The following ABCA3 variants were observed in gnomAD, a reference collection of about 807,000 sequenced individuals.
ABCA3 encodes the protein ATP binding cassette subfamily A member 3.
In ABCA3, 88 loss-of-function variants were observed where a neutral mutation model predicts 172.8. The ratio of observed to expected loss-of-function variants is 0.51; its 90% confidence interval spans 0.43 to 0.61. ABCA3 has a LOEUF of 0.61. ABCA3 is among the 20% of genes least tolerant of loss of function. The pLI, the probability that ABCA3 is intolerant of heterozygous loss-of-function variation, is 0.00. For synonymous variants in ABCA3, 1,066 were observed against 983.8 expected (o/e 1.08, Z -1.56); for missense variants, 2,164 against 2,301.0 (o/e 0.94, Z 1.22).
In ABCA3 at chr16:2,283,467, T is replaced by C; in HGVS notation, c.3863-109A>G. 7.7e-7 allele frequency: 1 copy of C among 1,300,268 alleles called. No individual in the cohort carries two copies. Among genetic ancestry groups the C allele is most frequent in the Non-Finnish European group, 1.1e-6 (1 of 941,716 alleles). The allele number at this position is 1,300,268 out of a possible 1,614,324, so 80.5% of individuals were successfully genotyped here. A position where few individuals can be genotyped will look rare whatever the true frequency, so the allele number is the denominator to read the frequency against. ...AGGCTGCTCAAGGCGCCTGTAACAA[T>C]GTCCCCTCCATGGGGAGATGTGAAG... On this transcript the variant is annotated intron_variant, in intron 25 of 32. Coordinates refer to ENST00000301732, the MANE Select transcript of ABCA3 (RefSeq NM_001089.3). This position sits in a 1 kb window ranked among gnomAD's most constrained non-coding sequence, Gnocchi z 5.4.
chr16:2,315,903 A>T (rs1299916163), intron 10 of ABCA3, among the ~76,000 whole-genome samples: 1 of 125,580 alleles, frequency 8.0e-6, no homozygotes, highest in Non-Finnish European at 1.6e-5. Context: ...GGCTGGTCTT[A>T]AACTCCTGGG....
At chr16:2,316,012 C>T (rs1217844077) in intron 10 of ABCA3, among the ~76,000 whole-genome samples, 1 of 150,250 alleles carries the variant, frequency 6.7e-6, no homozygotes. Flanking sequence ...ATAAAACAAA[C>T]TAGACAACAA....
At chr16:2,307,122 C>T (rs1323589951) in intron 11 of ABCA3, among the ~76,000 whole-genome samples, 2 of 150,330 alleles carry the variant, frequency 1.3e-5, no homozygotes, top group Non-Finnish European at 3.0e-5. Context: ...TCTCAAAAAA[C>T]AAAAAAGAAA....
rs1405436219 is a variant in ABCA3 at position 2,284,605 on chromosome 16, G to A, written c.3704-168C>T. On this transcript the variant is annotated intron_variant, in intron 24 of 32. Transcript: ENST00000301732. This position sits in a 1 kb window ranked among gnomAD's most constrained non-coding sequence, Gnocchi z 5.9. ...TGCACAGGGCAAGGACGCCGCAGACGCCTGCCCACCAGTCATGGCTAGCCG... is the reference window on the plus strand; with the variant it reads ...TGCACAGGGCAAGGACGCCGCAGACACCTGCCCACCAGTCATGGCTAGCCG... Among the ~76,000 whole-genome samples the A allele has an allele frequency of 3.9e-5, 6 of 152,174 alleles. No homozygotes were observed. Among genetic ancestry groups the A allele is most frequent in the East Asian group, 1.9e-4 (1 of 5,184 alleles).
At chr16:2,299,750 G>A (rs191344210) in intron 13 of ABCA3, among the ~76,000 whole-genome samples, 1 of 152,342 alleles carries the variant, frequency 6.6e-6, no homozygotes, top group Admixed American at 6.5e-5. Context: ...CAGTGTCTCT[G>A]CAACCCTGGG....
rs1167324185 is a variant in ABCA3, at chr16:2,281,128, C to G, written c.4258G>C (p.Ala1420Pro). ...ATTTTGAAAGTCGTGGTCTTCCCGGCTCCATTGAAGCCCAGCAGGCCGAAG... is the reference window on the plus strand; with the variant it reads ...ATTTTGAAAGTCGTGGTCTTCCCGGGTCCATTGAAGCCCAGCAGGCCGAAG... The part of the protein sequence containing the change: ...ECFGLLGFNG[A>P]GKTTTFKMLT... The change falls in exon 28 of 33, where the codon GCC becomes CCC. Residue 1420 changes from alanine (A) to proline (P), a missense_variant. Physicochemically the swap from Ala to Pro is conservative, Grantham distance 27. Transcript: ENST00000301732. This position sits in a 1 kb window ranked among gnomAD's most constrained non-coding sequence, Gnocchi z 4.7. The G allele has an allele frequency of 1.2e-6, 2 of 1,613,958 alleles. No individual in the cohort carries two copies. The highest frequency in any genetic ancestry group is 1.7e-5 in the Admixed American group (1 of 60,018).
intron 18 of ABCA3, among the ~76,000 whole-genome samples, chr16:2,294,472 G>T (rs1158516799): frequency 6.6e-6 from 1 of 151,674 alleles, no homozygotes; most frequent in African/African-American, 2.4e-5. Flanking sequence ...GATCACTTAA[G>T]CCCAGGAGTT....
At chr16:2,304,176 C>A (rs1349363014) in intron 11 of ABCA3, 26 bp from the exon 12 acceptor site, 2 of 1,613,870 alleles carry the variant, frequency 1.2e-6, no homozygotes, top group Admixed American at 3.3e-5. Context: ...GGAAAGTGGC[C>A]CGAAAGCCAG....
Position 2,285,613 on chromosome 16 carries a change from C to A in ABCA3, c.3312G>T (p.Leu1104=), listed in dbSNP as rs759365467. Residue 1104 remains leucine (L), a synonymous_variant, in exon 23 of 33, where the codon CTG becomes CTT. Transcript: ENST00000301732. This position sits in a 1 kb window ranked among gnomAD's most constrained non-coding sequence, Gnocchi z 4.7. ...GRKGFDIALN[L]LFAMAFLAST... is the part of the protein sequence containing the mutation. ...TGGCCAAGAATGCCATGGCGAAGAG[C>A]AGGTTGAGGGCAATGTCGAATCCCT... 5.7e-5 allele frequency: 89 copies of A among 1,555,772 alleles called. No individual in the cohort carries two copies. Among genetic ancestry groups the A allele is most frequent in the Non-Finnish European group, 7.4e-5 (85 of 1,149,286 alleles).
intron 10 of ABCA3, among the ~76,000 whole-genome samples, chr16:2,316,477 T>C (rs1367506183): frequency 1.2e-5 from 1 of 82,614 alleles, no homozygotes; most frequent in Non-Finnish European, 2.3e-5. Flanking sequence ...AAACCCCGTC[T>C]CTACTAAAAA....
intron 19 of ABCA3, among the ~76,000 whole-genome samples, chr16:2,291,321 G>C (rs981260523): frequency 6.6e-6 from 1 of 151,716 alleles, no homozygotes; most frequent in Non-Finnish European, 1.5e-5. Flanking sequence ...GTGAGACTCT[G>C]TCTCAAAAAA....
Position 2,317,679 on chromosome 16 carries a change from G to A in ABCA3, c.959C>T (p.Ala320Val). ...ACAGAAGAGCAGGGTCATGAAGGAG[G>A]CGGCGATGAGGAGGAAGAGGAAGAA... ...LLFFLFLLIA[A>V]SFMTLLFCVK... is the part of the protein sequence containing the mutation. The change falls in exon 9 of 33, where the codon GCC (alanine) becomes GTC (valine). Residue 320 changes from alanine (A) to valine (V), a missense_variant. By Grantham distance (64) the Ala-to-Val change is moderately conservative. Transcript: ENST00000301732. 6.2e-7 allele frequency: 1 copy of A among 1,614,238 alleles called. No individual in the cohort carries two copies. The highest frequency in any genetic ancestry group is 2.2e-5 in the East Asian group (1 of 44,880).
intron 10 of ABCA3, 102 bp from the exon 11 acceptor site, chr16:2,308,725 A>G: frequency 7.4e-7 from 1 of 1,354,156 alleles, no homozygotes; most frequent in Non-Finnish European, 1.0e-6. Flanking sequence ...GGGCCGAGCC[A>G]CCCAACCTGC....
At chr16:2,334,830 CT>C (rs35251447) in intron 1 of ABCA3, among the ~76,000 whole-genome samples, 390 of 131,390 alleles carry the variant, frequency 3.0e-3, no homozygotes, top group Middle Eastern at 9.3e-3. Context: ...AATATTAGTT[CT>C]TTTTTTTTTT....
intron 3 of ABCA3, among the ~76,000 whole-genome samples, chr16:2,327,657 CTGT>C (rs2093736522): frequency 6.6e-6 from 1 of 152,198 alleles, no homozygotes; most frequent in Admixed American, 6.5e-5. Context: ...CCGGCTTTTC[CTGT>C]TGTTATTACA....
At chr16:2,340,262 G>A (rs1459989480) in intron 1 of ABCA3, among the ~76,000 whole-genome samples, 1 of 152,150 alleles carries the variant, frequency 6.6e-6, no homozygotes, top group African/African-American at 2.4e-5. Context: ...GTCTCCGCAG[G>A]GTCGAGCTTC....
chr16:2,284,673 GGCCCA>G lies in ABCA3; in HGVS notation c.3703+101_3703+105del. 7.7e-7 allele frequency: 1 copy of G among 1,303,150 alleles called. No homozygotes were observed. The highest frequency in any genetic ancestry group is 1.1e-6 in the Non-Finnish European group (1 of 932,612). The allele number at this position is 1,303,150 out of a possible 1,614,324, so 80.7% of individuals were successfully genotyped here. On this transcript the variant is annotated intron_variant, in intron 24 of 32. Coordinates refer to ENST00000301732, the MANE Select transcript of ABCA3 (RefSeq NM_001089.3). The surrounding 1 kb of genome is among the most constrained non-coding windows in gnomAD (Gnocchi z 5.9). ...CAGAGGGGCTGGTGAGCATGAACTG[GGCCCA>G]TTGCCTGAGTCCCGCCTCGGCTGTG...
At chr16:2,325,429 G>T (rs1056824932) in intron 5 of ABCA3, among the ~76,000 whole-genome samples, 1 of 152,156 alleles carries the variant, frequency 6.6e-6, no homozygotes, top group Non-Finnish European at 1.5e-5. Flanking sequence ...GTACAATCAG[G>T]CATGGCCACA....
chr16:2,302,820 G>A (rs991109283), intron 12 of ABCA3, among the ~76,000 whole-genome samples: 7 of 144,498 alleles, frequency 4.8e-5, no homozygotes, highest in African/African-American at 1.3e-4. Context: ...ATGGAGTCTC[G>A]CTCTGTCGCC....
Sources: allele counts gnomAD v4.1 joint callset (sites outside exome capture counted in the v4.1 genomes callset), GRCh38; gene constraint gnomAD v4.1.1; non-coding constraint Gnocchi (gnomAD v3.1); transcripts MANE v1.5; gene names NCBI Gene and HGNC (gene_info 2026-07-23, HGNC 2026-07-21).